TP63: variants seen among roughly 807,000 people sequenced by gnomAD.
The protein encoded by TP63 is tumor protein p63.
Under a neutral mutation model 82.8 loss-of-function variants are expected in TP63, and 17 were observed. The ratio of observed to expected loss-of-function variants is 0.21; its 90% confidence interval spans 0.14 to 0.31. TP63 has a LOEUF of 0.31. Ranked by LOEUF, TP63 falls within the 10% of genes least tolerant of loss-of-function variation. The probability of loss-of-function intolerance (pLI) is 1.00; values close to 1 mark genes in which losing one functional copy is unlikely to be tolerated. For missense variants in TP63, 648 were observed against 895.3 expected (o/e 0.72, Z 3.52); for synonymous variants, 330 against 321.7 (o/e 1.03, Z -0.28).
intron 1 of TP63, among the ~76,000 whole-genome samples, chr3:189,653,251 G>A (rs565909942): frequency 7.9e-5 from 12 of 152,320 alleles, no homozygotes; most frequent in Admixed American, 2.6e-4. Flanking sequence ...CAGAGTGGGA[G>A]AACCTAGAGT....
intron 1 of TP63, among the ~76,000 whole-genome samples, chr3:189,681,926 C>A (rs1430052333): frequency 6.6e-6 from 1 of 152,104 alleles, no homozygotes; most frequent in African/African-American, 2.4e-5. Context: ...AATAGCAATG[C>A]AAAGGCTTTG....
At chr3:189,800,951 T>C (rs931398891) in intron 3 of TP63, among the ~76,000 whole-genome samples, 5 of 152,190 alleles carry the variant, frequency 3.3e-5, no homozygotes, top group African/African-American at 1.2e-4. Context: ...CATTACTTTA[T>C]TGAAACTGAT....
intron 5 of TP63, among the ~76,000 whole-genome samples, chr3:189,864,967 A>T (rs899410412): frequency 6.6e-6 from 1 of 152,128 alleles, no homozygotes; most frequent in Non-Finnish European, 1.5e-5. Context: ...AGATGGCACC[A>T]CTGCACTCCA....
At chr3:189,739,650 TAA>T (rs1414843060) in intron 3 of TP63, among the ~76,000 whole-genome samples, 1 of 152,162 alleles carries the variant, frequency 6.6e-6, no homozygotes, top group Non-Finnish European at 1.5e-5. Flanking sequence ...TCCTCATTTA[TAA>T]AGTGGTGAGA....
At chr3:189,680,227 A>G (rs1019075146) in intron 1 of TP63, among the ~76,000 whole-genome samples, 1 of 152,122 alleles carries the variant, frequency 6.6e-6, no homozygotes, top group Non-Finnish European at 1.5e-5. Flanking sequence ...ATTCATGAAC[A>G]TGGGATATAT....
Position 189,866,750 on chromosome 3 carries a change from C to T in TP63, c.835C>T (p.Pro279Ser). ...CAGCCATGCCCAGTATGTAGAAGATCCCATCACAGGAAGACAGAGTGTGCT... is the reference window on the plus strand; with the variant it reads ...CAGCCATGCCCAGTATGTAGAAGATTCCATCACAGGAAGACAGAGTGTGCT... The part of the protein sequence containing the change: ...GNSHAQYVED[P>S]ITGRQSVLVP... Residue 279 changes from proline to serine, a missense_variant, in exon 6 of 14, where the codon CCC becomes TCC. Pro to Ser is a moderately conservative substitution (Grantham distance 74). Around this residue, in one of 5 missense-constraint regions of TP63, gnomAD observed 30 missense variants for 26.4 expected, o/e 1.14. Coordinates refer to ENST00000264731, the MANE Select transcript of TP63 (RefSeq NM_003722.5). The T allele has an allele frequency of 6.2e-7, 1 of 1,613,990 alleles. No homozygotes were observed. Among genetic ancestry groups the T allele is most frequent in the African/African-American group, 1.3e-5 (1 of 74,998 alleles).
At chr3:189,824,126 A>G (rs1198104778) in intron 4 of TP63, among the ~76,000 whole-genome samples, 1 of 152,096 alleles carries the variant, frequency 6.6e-6, no homozygotes, top group African/African-American at 2.4e-5. Context: ...AGTGAATAAA[A>G]TTCATATTTT....
chr3:189,670,357 G>T (rs1040017988), intron 1 of TP63, among the ~76,000 whole-genome samples: 1 of 151,998 alleles, frequency 6.6e-6, no homozygotes, highest in Admixed American at 6.6e-5. Flanking sequence ...CATGACAACT[G>T]CAGAATGTAC....
At chr3:189,817,521 C>T (rs1458685582) in intron 4 of TP63, among the ~76,000 whole-genome samples, 3 of 152,084 alleles carry the variant, frequency 2.0e-5, no homozygotes, top group East Asian at 1.9e-4. Context: ...TTATAAAGTG[C>T]TTTGGGAGCC....
chr3:189,734,052 C>T (rs1179493970), intron 1 of TP63, among the ~76,000 whole-genome samples: 1 of 151,364 alleles, frequency 6.6e-6, no homozygotes, highest in Non-Finnish European at 1.5e-5. Context: ...TTTTCTTTCT[C>T]TCTTTCTTTT....
intron 3 of TP63, among the ~76,000 whole-genome samples, chr3:189,773,915 C>CTTTTTTTT (rs57761830): frequency 2.7e-5 from 2 of 72,892 alleles, no homozygotes; most frequent in Non-Finnish European, 4.8e-5. Context: ...TGTCTCGTGC[C>CTTTTTTTT]TTTTTTTTTT....
At chr3:189,687,067 T>C (rs1716509667) in intron 1 of TP63, among the ~76,000 whole-genome samples, 1 of 151,848 alleles carries the variant, frequency 6.6e-6, no homozygotes, top group Non-Finnish European at 1.5e-5. Context: ...AGGAGGTCCT[T>C]GGTGGTTGGG....
intron 1 of TP63, among the ~76,000 whole-genome samples, chr3:189,675,975 C>T (rs6804873): frequency 7.4e-6 from 1 of 135,062 alleles, no homozygotes; most frequent in Non-Finnish European, 1.6e-5. Context: ...AACCGTGAAC[C>T]CTTTGAAAAA....
intron 1 of TP63, among the ~76,000 whole-genome samples, chr3:189,655,746 C>T (rs957990915): frequency 6.6e-6 from 1 of 152,174 alleles, no homozygotes; most frequent in Non-Finnish European, 1.5e-5. Flanking sequence ...TTGTTTGAGG[C>T]TGTGTAGACT....
At position 189,633,876 on chromosome 3, in the gene TP63, C is replaced by A. The variant is rs189577387; in HGVS notation, c.62+2299C>A. ...AAAAACCAATTAGATGTGACTGTTACATTCATTTATTTAATGTTGCAGTAC... is the reference window on the plus strand; with the variant it reads ...AAAAACCAATTAGATGTGACTGTTAAATTCATTTATTTAATGTTGCAGTAC... On this transcript the variant is annotated intron_variant, in intron 1 of 13. Coordinates refer to ENST00000264731, the MANE Select transcript of TP63 (RefSeq NM_003722.5). 1.9e-3 allele frequency among the ~76,000 whole-genome samples: 288 copies of A among 152,254 alleles called. 4 individuals are homozygous for A. The highest frequency in any genetic ancestry group is 1.1e-3 in the Non-Finnish European group (76 of 68,006).
At chr3:189,816,606 A>T (rs545441764) in intron 4 of TP63, among the ~76,000 whole-genome samples, 1 of 152,206 alleles carries the variant, frequency 6.6e-6, no homozygotes, top group African/African-American at 2.4e-5. Flanking sequence ...TGTGACTGAA[A>T]GGAGACTTGA....
chr3:189,737,221 A>T (rs1720658420), intron 1 of TP63, among the ~76,000 whole-genome samples: 1 of 152,110 alleles, frequency 6.6e-6, no homozygotes. Flanking sequence ...ATTGTCCCTG[A>T]GTGTGATTCT....
chr3:189,715,545 AC>A (rs1246468302), intron 1 of TP63, among the ~76,000 whole-genome samples: 1 of 152,218 alleles, frequency 6.6e-6, no homozygotes, highest in Non-Finnish European at 1.5e-5. Flanking sequence ...GATTGTAATT[AC>A]AAACTGACAT....
At chr3:189,667,168 ATTTTTT>A (rs11439554) in intron 1 of TP63, among the ~76,000 whole-genome samples, 4 of 122,124 alleles carry the variant, frequency 3.3e-5, no homozygotes, top group South Asian at 5.4e-4. Context: ...AGAAGTTAGA[ATTTTTT>A]TTTTTTTTTT....
Sources: gnomAD v4.1 joint callset for allele counts (sites outside exome capture counted in the v4.1 genomes callset) on GRCh38, gnomAD v4.1.1 for gene constraint, gnomAD v4.1.1 regional missense constraint, MANE v1.5 for transcripts, NCBI Gene and HGNC (gene_info 2026-07-23, HGNC 2026-07-21) for gene names.